SEMA6D: variants seen among roughly 807,000 people sequenced by gnomAD.
SEMA6D encodes the protein semaphorin 6D.
SEMA6D carries 35 observed loss-of-function variants against 106.6 expected under a neutral mutation model. The ratio of observed to expected loss-of-function variants is 0.33; its 90% CI spans 0.25 to 0.44. The LOEUF is 0.44. Ranked by LOEUF, SEMA6D falls within the 20% of genes least tolerant of loss-of-function variation. SEMA6D has a pLI of 1.00. For synonymous variants in SEMA6D, 499 were observed against 487.7 expected (o/e 1.02, Z -0.31); for missense variants, 1,185 against 1,345.9 (o/e 0.88, Z 1.87).
chr15:47,255,363 A>C (rs1433144724), intron 1 of SEMA6D, among the ~76,000 whole-genome samples: 1 of 151,332 alleles, frequency 6.6e-6, no homozygotes, highest in African/African-American at 2.4e-5. Flanking sequence ...AAGATGTGTC[A>C]ATTTTACTTA....
At chr15:47,456,153 AGGT>A (rs1262230580) in intron 2 of SEMA6D, among the ~76,000 whole-genome samples, 1 of 151,962 alleles carries the variant, frequency 6.6e-6, no homozygotes, top group Non-Finnish European at 1.5e-5. Context: ...TGACCAAACA[AGGT>A]GTTGGAGGCA....
At chr15:47,336,087 G>A (rs2037544090) in intron 1 of SEMA6D, among the ~76,000 whole-genome samples, 1 of 152,188 alleles carries the variant, frequency 6.6e-6, no homozygotes, top group Non-Finnish European at 1.5e-5. Flanking sequence ...ACCCCTGGCT[G>A]GGCACCTAAA....
chr15:47,454,722 C>T lies in SEMA6D; in HGVS notation c.-158-15752C>T, dbSNP rs142819404. 6.1e-3 allele frequency among the ~76,000 whole-genome samples: 934 copies of T among 152,014 alleles called. 12 individuals carry two copies. Among genetic ancestry groups the T allele is most frequent in the African/African-American group, 0.021 (886 of 41,498 alleles). ...AGCAACCTAATATGCCAACTTTTCA[C>T]GTACATTTTTTTGAGTCCTGAAGAC... On this transcript the variant is annotated intron_variant, in intron 2 of 19. Coordinates refer to the SEMA6D transcript ENST00000558014.
chr15:47,475,762 A>G (rs1466070292), intron 3 of SEMA6D, among the ~76,000 whole-genome samples: 1 of 152,216 alleles, frequency 6.6e-6, no homozygotes, highest in South Asian at 2.1e-4. Flanking sequence ...AATCAGTTTT[A>G]TCTGTAAATT....
chr15:47,235,414 G>A (rs989931490), intron 1 of SEMA6D, among the ~76,000 whole-genome samples: 2 of 151,932 alleles, frequency 1.3e-5, no homozygotes, highest in African/African-American at 4.8e-5. Flanking sequence ...CTAGGCCAGT[G>A]TCCAGAAGTG....
At chr15:47,476,593 T>C (rs1007345005) in intron 3 of SEMA6D, among the ~76,000 whole-genome samples, 1 of 152,094 alleles carries the variant, frequency 6.6e-6, no homozygotes, top group African/African-American at 2.4e-5. Context: ...TCATGCTCTA[T>C]CTCCTTCAAT....
Position 47,771,798 on chromosome 15 carries a change from C to G in SEMA6D, c.*13C>G. 1 of 1,604,248 alleles carries G rather than the reference C, an allele frequency of 6.2e-7. No individual in the cohort carries two copies. Among genetic ancestry groups the G allele is most frequent in the Non-Finnish European group, 8.5e-7 (1 of 1,174,310 alleles). On this transcript the variant is annotated 3_prime_UTR_variant, in exon 19 of 19. Coordinates refer to ENST00000536845, the MANE Select transcript of SEMA6D (RefSeq NM_001358351.3). Reference sequence around the variant, plus strand: ...ATACACATACTAGGCCTCAAGTGTGCTATTCCCATGTGGCTTTATCCTGTC... The same window carrying G: ...ATACACATACTAGGCCTCAAGTGTGGTATTCCCATGTGGCTTTATCCTGTC...
chr15:47,744,499 C>A (rs2081006475), intron 1 of SEMA6D, among the ~76,000 whole-genome samples: 1 of 152,124 alleles, frequency 6.6e-6, no homozygotes, highest in East Asian at 1.9e-4. Flanking sequence ...GACCACCTCA[C>A]CCCTGGGTGA....
At chr15:47,689,961 G>T (rs2078550372) in intron 4 of SEMA6D, among the ~76,000 whole-genome samples, 1 of 152,228 alleles carries the variant, frequency 6.6e-6, no homozygotes, top group South Asian at 2.1e-4. Flanking sequence ...GGTGGGGAAA[G>T]CAGGGATTTA....
intron 3 of SEMA6D, among the ~76,000 whole-genome samples, chr15:47,561,040 G>A (rs2046064566): frequency 6.7e-6 from 1 of 149,502 alleles, no homozygotes; most frequent in Admixed American, 6.7e-5. Context: ...AGGGTGCTCA[G>A]GAAACTAATA....
chr15:47,387,224 T>C (rs540329522), intron 1 of SEMA6D, among the ~76,000 whole-genome samples: 4 of 152,366 alleles, frequency 2.6e-5, no homozygotes, highest in South Asian at 4.1e-4. Flanking sequence ...TTATATGTGC[T>C]CATCTCTAGC....
chr15:47,552,853 A>AATATATATATAAATATATATAT (rs2045773560), intron 3 of SEMA6D, among the ~76,000 whole-genome samples: 7 of 66,896 alleles, frequency 1.0e-4, no homozygotes, highest in African/African-American at 7.7e-4. Context: ...AATATATATA[A>AATATATATATAAATATATATAT]ATATATATAT....
intron 4 of SEMA6D, among the ~76,000 whole-genome samples, chr15:47,672,345 G>C (rs1277663496): frequency 6.6e-6 from 1 of 152,118 alleles, no homozygotes; most frequent in Non-Finnish European, 1.5e-5. Context: ...ATCGGAAACA[G>C]ATTCATAGAA....
Position 47,771,902 on chromosome 15 carries a change from A to C in SEMA6D, c.*117A>C. ...TGTATTTTAAGAGAACCAAGTGGCCAAAGAAACTCTTTCTAACTTTGGCAA... is the reference window on the plus strand; with the variant it reads ...TGTATTTTAAGAGAACCAAGTGGCCCAAGAAACTCTTTCTAACTTTGGCAA... On this transcript the variant is annotated 3_prime_UTR_variant, in exon 19 of 19. Coordinates refer to ENST00000536845, the MANE Select transcript of SEMA6D (RefSeq NM_001358351.3). The C allele has an allele frequency of 8.9e-7, 1 of 1,119,054 alleles. No homozygotes were observed. Among genetic ancestry groups the C allele is most frequent in the Non-Finnish European group, 1.3e-6 (1 of 779,436 alleles). 69.3% of individuals were successfully genotyped at this position (1,119,054 alleles called of 1,614,324 possible).
At chr15:47,503,311 A>C (rs1456652075) in intron 3 of SEMA6D, among the ~76,000 whole-genome samples, 1 of 152,230 alleles carries the variant, frequency 6.6e-6, no homozygotes, top group Non-Finnish European at 1.5e-5. Flanking sequence ...TCTTCATTCC[A>C]AGTGTAAACT....
intron 3 of SEMA6D, among the ~76,000 whole-genome samples, chr15:47,522,136 A>G (rs910199938): frequency 6.6e-6 from 1 of 152,224 alleles, no homozygotes; most frequent in African/African-American, 2.4e-5. Flanking sequence ...TCAACTATAC[A>G]CATGTCCTGC....
intron 2 of SEMA6D, among the ~76,000 whole-genome samples, chr15:47,422,923 A>G (rs1334074555): frequency 6.6e-6 from 1 of 152,134 alleles, no homozygotes; most frequent in Non-Finnish European, 1.5e-5. Context: ...AAACATTATC[A>G]TCAAAACAAC....
chr15:47,460,951 G>T (rs1414889863), intron 2 of SEMA6D, among the ~76,000 whole-genome samples: 5 of 152,062 alleles, frequency 3.3e-5, no homozygotes, highest in Non-Finnish European at 5.9e-5. Flanking sequence ...CCTGTCTGTG[G>T]CTCACAAGTC....
At chr15:47,710,550 G>A (rs898179288) in intron 4 of SEMA6D, among the ~76,000 whole-genome samples, 4 of 152,036 alleles carry the variant, frequency 2.6e-5, no homozygotes, top group African/African-American at 2.4e-5. Context: ...AATTCATAAC[G>A]CCTTAAACAG....
Sources: allele counts gnomAD v4.1 joint callset (sites outside exome capture counted in the v4.1 genomes callset), GRCh38; gene constraint gnomAD v4.1.1; transcripts MANE v1.5; gene names NCBI Gene and HGNC (gene_info 2026-07-23, HGNC 2026-07-21).